PTPN12: variants seen among roughly 807,000 people sequenced by gnomAD.
PTPN12 encodes protein tyrosine phosphatase non-receptor type 12.
A neutral mutation model predicts 97.6 loss-of-function variants in PTPN12; 29 were observed. The ratio of observed to expected loss-of-function variants is 0.30; its 90% CI spans 0.22 to 0.41. The LOEUF (loss-of-function observed/expected upper bound fraction) is 0.41. Among genes scored for constraint, PTPN12 ranks in the 10% least tolerant of loss-of-function variants. PTPN12 has a pLI of 1.00. For synonymous variants in PTPN12, 327 were observed against 300.4 expected (o/e 1.09, Z -0.91); for missense variants, 819 against 926.0 (o/e 0.88, Z 1.50).
chr7:77,636,860 T>A (rs1789611546), intron 15 of PTPN12, 158 bp from the exon 16 acceptor site: 1 of 546,428 alleles, frequency 1.8e-6, no homozygotes, highest in Non-Finnish European at 3.2e-6. Context: ...CATTTTAAAA[T>A]TTTAAGCCTA....
rs984906638 is a variant in PTPN12, at chr7:77,614,255, C to G, written c.939+3209C>G. Among the ~76,000 whole-genome samples the G allele has an allele frequency of 2.0e-5, 3 of 152,284 alleles. No homozygotes were observed. The East Asian group carries it at 5.8e-4, about 29-fold the overall frequency. ...AGAAAATATGTGATAAATACCGCAT[C>G]ACCTTTTCATCTTTTTCTAATTAGA... On this transcript the variant is annotated intron_variant, in intron 11 of 17. Coordinates refer to ENST00000248594, the MANE Select transcript of PTPN12 (RefSeq NM_002835.4).
At chr7:77,632,705 C>G (rs1309361915) in intron 14 of PTPN12, among the ~76,000 whole-genome samples, 2 of 151,906 alleles carry the variant, frequency 1.3e-5, no homozygotes, top group Admixed American at 6.6e-5. Context: ...GCCTGTGATC[C>G]TAGCACTTTG....
chr7:77,577,596 C>T (rs1787381993), intron 2 of PTPN12, among the ~76,000 whole-genome samples: 1 of 152,038 alleles, frequency 6.6e-6, no homozygotes, highest in Non-Finnish European at 1.5e-5. Flanking sequence ...CATTATTGTG[C>T]TTATTACATG....
At chr7:77,595,714 TC>T (rs1201489675) in intron 6 of PTPN12, among the ~76,000 whole-genome samples, 1 of 152,178 alleles carries the variant, frequency 6.6e-6, no homozygotes, top group Non-Finnish European at 1.5e-5. Flanking sequence ...TTTGAAAAGT[TC>T]AAAGTAAATT....
chr7:77,601,878 T>C (rs1788198956), intron 8 of PTPN12, among the ~76,000 whole-genome samples: 1 of 152,208 alleles, frequency 6.6e-6, no homozygotes. Context: ...AAACTATTGA[T>C]ACACATTTAC....
intron 5 of PTPN12, 102 bp from the exon 6 acceptor site, chr7:77,592,083 T>A: frequency 1.0e-6 from 1 of 979,612 alleles, no homozygotes. Context: ...TTTTCTGTTT[T>A]GGGGAAGTAG....
chr7:77,637,945 A>ATTTTTTT lies in PTPN12; in HGVS notation c.2174-656_2174-650dup, dbSNP rs754842372. ...ACCCTGACCTTGTTGATTTCTTAAA[A>ATTTTTTT]TTTTTTTTTTTTTTTTTTTTTTTTT... On this transcript the variant is annotated intron_variant, in intron 16 of 17. Transcript: ENST00000248594. Among the ~76,000 whole-genome samples, 8 of 66,806 alleles carry ATTTTTTT rather than the reference A, an allele frequency of 1.2e-4. No individual in the cohort carries two copies. The South Asian group carries it at 1.7e-3, about 14-fold the overall frequency. 43.8% of individuals were successfully genotyped at this position (66,806 alleles called of 152,430 possible). A position where few individuals can be genotyped will look rare whatever the true frequency, so the allele number is the denominator to read the frequency against.
At chr7:77,607,988 C>T (rs1015467567) in intron 9 of PTPN12, among the ~76,000 whole-genome samples, 1 of 152,234 alleles carries the variant, frequency 6.6e-6, no homozygotes, top group Non-Finnish European at 1.5e-5. Context: ...CTTCTGACCT[C>T]AGGTGATCCA....
At chr7:77,615,455 A>G (rs1159624688) in intron 11 of PTPN12, among the ~76,000 whole-genome samples, 3 of 152,252 alleles carry the variant, frequency 2.0e-5, no homozygotes, top group Non-Finnish European at 2.9e-5. Context: ...AAACAAGAGA[A>G]CACAGGCTAG....
At chr7:77,620,405 G>A (rs1325974438) in intron 12 of PTPN12, among the ~76,000 whole-genome samples, 1 of 152,134 alleles carries the variant, frequency 6.6e-6, no homozygotes, top group Non-Finnish European at 1.5e-5. Context: ...AAAGTTCTTT[G>A]TGTGTGATTT....
intron 1 of PTPN12, among the ~76,000 whole-genome samples, chr7:77,545,317 C>T (rs1464372802): frequency 6.6e-6 from 1 of 152,144 alleles, no homozygotes; most frequent in Non-Finnish European, 1.5e-5. Flanking sequence ...TTTCAAGTGG[C>T]AGCATCTGTA....
At chr7:77,613,918 G>A (rs1490852464) in intron 11 of PTPN12, among the ~76,000 whole-genome samples, 1 of 151,944 alleles carries the variant, frequency 6.6e-6, no homozygotes, top group African/African-American at 2.4e-5. Context: ...TTGAGACGAG[G>A]TCTTGCTATT....
intron 11 of PTPN12, among the ~76,000 whole-genome samples, chr7:77,615,683 C>G (rs190664636): frequency 6.6e-6 from 1 of 152,264 alleles, no homozygotes; most frequent in Admixed American, 6.5e-5. Context: ...CCCAGGAGTT[C>G]AAGGCTGCAG....
intron 1 of PTPN12, among the ~76,000 whole-genome samples, chr7:77,553,845 G>C (rs1807581605): frequency 1.1e-5 from 1 of 93,810 alleles, no homozygotes; most frequent in South Asian, 3.8e-4. Flanking sequence ...ATTGTTCTTT[G>C]TTCCTATTTT....
intron 1 of PTPN12, among the ~76,000 whole-genome samples, chr7:77,567,380 TA>T (rs1808308025): frequency 6.6e-6 from 1 of 152,096 alleles, no homozygotes; most frequent in Non-Finnish European, 1.5e-5. Context: ...AGGGGAAGAT[TA>T]TGTCTGGAGG....
Position 77,639,757 on chromosome 7 carries a change from C to A in PTPN12, c.*477C>A, listed in dbSNP as rs1336925235. Reference sequence around the variant, plus strand: ...GCCCTGGAGTTTTAGAAAATAGTTTCTGAATTTTAAACTTGCTGGATTCAT... The same window carrying A: ...GCCCTGGAGTTTTAGAAAATAGTTTATGAATTTTAAACTTGCTGGATTCAT... On this transcript the variant is annotated 3_prime_UTR_variant, in exon 18 of 18. Transcript: ENST00000248594. 6.5e-6 allele frequency: 1 copy of A among 152,862 alleles called. No homozygotes were observed. Among genetic ancestry groups the A allele is most frequent in the Non-Finnish European group, 1.5e-5 (1 of 68,274 alleles). The allele number at this position is 152,862 out of a possible 1,614,324, so 9.5% of individuals were successfully genotyped here.
chr7:77,574,583 CTA>C (rs2151323256), intron 2 of PTPN12, among the ~76,000 whole-genome samples: 1 of 152,216 alleles, frequency 6.6e-6, no homozygotes, highest in East Asian at 1.9e-4. Flanking sequence ...GGACAGGCTG[CTA>C]ATGGCATCTA....
chr7:77,606,296 G>A (rs1381161704), intron 8 of PTPN12, among the ~76,000 whole-genome samples: 3 of 151,826 alleles, frequency 2.0e-5, no homozygotes, highest in Non-Finnish European at 4.4e-5. Context: ...TCTGTAAGAC[G>A]TTGTTAGCTA....
intron 11 of PTPN12, among the ~76,000 whole-genome samples, chr7:77,615,612 A>G (rs985902102): frequency 6.6e-6 from 1 of 152,142 alleles, no homozygotes; most frequent in Non-Finnish European, 1.5e-5. Context: ...TTACCTGGGT[A>G]TGGTAGCACG....
Sources: allele counts gnomAD v4.1 joint callset (sites outside exome capture counted in the v4.1 genomes callset), GRCh38; gene constraint gnomAD v4.1.1; transcripts MANE v1.5; gene names NCBI Gene and HGNC (gene_info 2026-07-23, HGNC 2026-07-21).